The following CASK variants were observed in gnomAD, a reference collection of about 807,000 sequenced individuals.
CASK encodes peripheral plasma membrane protein CASK.
In CASK, 4 loss-of-function variants were observed where a neutral mutation model predicts 82.9. The ratio of observed to expected loss-of-function variants is 0.05; its 90% CI spans 0.02 to 0.11. The LOEUF (loss-of-function observed/expected upper bound fraction) is 0.11, where lower values mean the gene tolerates loss of function less well. Ranked by LOEUF, CASK falls within the 10% of genes least tolerant of loss-of-function variation. CASK has a pLI of 1.00. For missense variants in CASK, 358 were observed against 720.9 expected (o/e 0.50, Z 5.76); for synonymous variants, 259 against 253.5 (o/e 1.02, Z -0.20).
chrX:41,591,210 T>C (rs1254703554), intron 12 of CASK, among the ~76,000 whole-genome samples: 1 of 111,754 alleles, frequency 8.9e-6, no homozygotes, highest in Non-Finnish European at 1.9e-5. Context: ...GTAACTGGGA[T>C]CATATTTTCC....
At chrX:41,781,600 G>T (rs2069477023) in intron 3 of CASK, among the ~76,000 whole-genome samples, 2 of 112,106 alleles carry the variant, frequency 1.8e-5, no homozygotes, top group South Asian at 7.4e-4. Context: ...AATACCAGGG[G>T]TAATTACATC....
chrX:41,887,541 G>C (rs1446252996), intron 1 of CASK, among the ~76,000 whole-genome samples: 1 of 111,197 alleles, frequency 9.0e-6, no homozygotes, highest in East Asian at 2.8e-4. Context: ...GATTTAAAAA[G>C]GGCAGTAAGC....
At chrX:41,780,749 A>C (rs80243707) in intron 3 of CASK, among the ~76,000 whole-genome samples, 4 of 111,216 alleles carry the variant, frequency 3.6e-5, no homozygotes, top group African/African-American at 1.3e-4. Flanking sequence ...TCTGGGTTCA[A>C]GTGATTCTCC....
chrX:41,565,837 T>C (rs781495453), intron 16 of CASK, among the ~76,000 whole-genome samples: 4 of 111,789 alleles, frequency 3.6e-5, no homozygotes, highest in African/African-American at 1.3e-4. Context: ...AAATCCTCCA[T>C]AAAATACTGG....
chrX:41,605,729 C>T (rs2065950875), intron 12 of CASK, among the ~76,000 whole-genome samples: 1 of 111,864 alleles, frequency 8.9e-6, no homozygotes, highest in East Asian at 2.8e-4. Flanking sequence ...CCCAGGCTAC[C>T]GTGCAGTGGT....
At chrX:41,714,848 A>G (rs914649904) in intron 5 of CASK, among the ~76,000 whole-genome samples, 1 of 112,200 alleles carries the variant, frequency 8.9e-6, no homozygotes, top group African/African-American at 3.2e-5. Context: ...GAACACTTCC[A>G]TAATAAAATG....
chrX:41,885,830 G>T (rs1251249046), intron 1 of CASK, among the ~76,000 whole-genome samples: 1 of 111,824 alleles, frequency 8.9e-6, no homozygotes, highest in East Asian at 2.8e-4. Context: ...GCTTTAATTT[G>T]CCAGATAGAA....
chrX:41,525,517 G>T (rs944161282), intron 25 of CASK, among the ~76,000 whole-genome samples: 1 of 110,653 alleles, frequency 9.0e-6, no homozygotes, highest in Admixed American at 9.7e-5. Context: ...CCTCCCATGT[G>T]CTCCTGAAGT....
intron 1 of CASK, among the ~76,000 whole-genome samples, chrX:41,903,324 A>G (rs1252389807): frequency 8.9e-6 from 1 of 112,136 alleles, no homozygotes; most frequent in Non-Finnish European, 1.9e-5. Flanking sequence ...TGGCACAAAA[A>G]GAACTGTGCA....
chrX:41,915,833 C>CAAA (rs200108960), intron 1 of CASK, among the ~76,000 whole-genome samples: 4 of 73,607 alleles, frequency 5.4e-5, no homozygotes, highest in Admixed American at 1.5e-4. Flanking sequence ...ACTAGAAATA[C>CAAA]AAAAAAAAAA....
intron 3 of CASK, among the ~76,000 whole-genome samples, chrX:41,752,415 C>A (rs970475645): frequency 9.1e-6 from 1 of 109,921 alleles, no homozygotes; most frequent in Non-Finnish European, 1.9e-5. Flanking sequence ...GTCAGCCTCC[C>A]GAGTAGCTGG....
At chrX:41,899,388 T>C (rs1463402970) in intron 1 of CASK, among the ~76,000 whole-genome samples, 1 of 111,082 alleles carries the variant, frequency 9.0e-6, no homozygotes, top group East Asian at 2.8e-4. Flanking sequence ...TGTCTTCTGA[T>C]TGAAGAATTT....
At chrX:41,892,280 C>A (rs1035694907) in intron 1 of CASK, among the ~76,000 whole-genome samples, 5 of 101,663 alleles carry the variant, frequency 4.9e-5, no homozygotes, top group African/African-American at 1.8e-4. Context: ...ACTAGCACAT[C>A]TGATGTCGCC....
At chrX:41,778,849 T>C (rs2147813291) in intron 3 of CASK, among the ~76,000 whole-genome samples, 1 of 109,368 alleles carries the variant, frequency 9.1e-6, no homozygotes, top group South Asian at 3.9e-4. Flanking sequence ...AAAATGATAC[T>C]GTATTTACAG....
rs201718174 is a variant in CASK, at chrX:41,636,540, A to G, written c.915+38T>C. 53 of 799,405 alleles carry G rather than the reference A, an allele frequency of 6.6e-5. No homozygotes were observed. The East Asian group carries it at 1.1e-3, about 17-fold the overall frequency. The allele number at this position is 799,405 out of a possible 1,213,427, so 65.9% of individuals were successfully genotyped here. Reference sequence around the variant, plus strand: ...TAGAATAAAAACATGATCATTAACTATATCTGTTTGGCTTTTTTGCTGATT... The same window carrying G: ...TAGAATAAAAACATGATCATTAACTGTATCTGTTTGGCTTTTTTGCTGATT... On this transcript the variant is annotated intron_variant, in intron 9 of 26. Transcript: ENST00000378163.
chrX:41,612,589 A>T (rs1362058154), intron 11 of CASK, among the ~76,000 whole-genome samples: 1 of 65,514 alleles, frequency 1.5e-5, no homozygotes, highest in African/African-American at 5.9e-5. Flanking sequence ...GCCTCTGCCC[A>T]GCCGCCCCTA....
At chrX:41,609,407 G>A (rs1159681865) in intron 12 of CASK, among the ~76,000 whole-genome samples, 4 of 111,960 alleles carry the variant, frequency 3.6e-5, no homozygotes, top group African/African-American at 1.3e-4. Flanking sequence ...GAGCCACGGT[G>A]CCCGGCCATA....
intron 12 of CASK, among the ~76,000 whole-genome samples, chrX:41,595,500 G>A (rs2065808071): frequency 8.9e-6 from 1 of 111,907 alleles, no homozygotes; most frequent in South Asian, 3.8e-4. Context: ...AGCTACTCAA[G>A]ATGGGGAGGT....
chrX:41,807,843 T>TTATG (rs762250721), intron 2 of CASK, among the ~76,000 whole-genome samples: 3 of 111,379 alleles, frequency 2.7e-5, no homozygotes, highest in Non-Finnish European at 3.8e-5. Context: ...AATCACTTCT[T>TTATG]TATGTATGTA....
Sources: allele counts gnomAD v4.1 joint callset (sites outside exome capture counted in the v4.1 genomes callset), GRCh38; gene constraint gnomAD v4.1.1; transcripts MANE v1.5; gene names NCBI Gene and HGNC (gene_info 2026-07-23, HGNC 2026-07-21).